Variants in EMILIN3 observed in about 807,000 individuals in gnomAD.
EMILIN3 encodes the protein elastin microfibril interfacer 3.
Under a neutral mutation model 42.8 loss-of-function variants are expected in EMILIN3, and 38 were observed. That is an observed-to-expected ratio of 0.89 (90% CI 0.69 to 1.16). EMILIN3 has a LOEUF of 1.16. Among genes scored for constraint, EMILIN3 ranks in the 50% most tolerant of loss-of-function variants. The pLI is 0.00. For synonymous variants in EMILIN3, 430 were observed against 440.5 expected, an observed-to-expected ratio of 0.98 and a Z score of 0.30; for missense variants, 924 against 999.5, an observed-to-expected ratio of 0.92 and a Z score of 1.02.
chr20:41,360,407 G>A lies in EMILIN3; in HGVS notation c.*861C>T, dbSNP rs945851745. 13 of 152,500 alleles carry A rather than the reference G, an allele frequency of 8.5e-5. No individual in the cohort carries two copies. The highest frequency in any genetic ancestry group is 2.9e-4 in the African/African-American group (12 of 41,460). The allele number at this position is 152,500 out of a possible 1,614,324, so 9.4% of individuals were successfully genotyped here. On this transcript the variant is annotated 3_prime_UTR_variant, in exon 4 of 4. Coordinates refer to ENST00000332312, the MANE Select transcript of EMILIN3 (RefSeq NM_052846.2). ...ACCCCCAAGTGGAAGGAAGAGGACA[G>A]TGTGGGCACCAGAGGGCCCTGGAAA...
Position 41,362,687 on chromosome 20 carries a change from G to A in EMILIN3, c.882C>T (p.Leu294=). The A allele has an allele frequency of 1.3e-5, 21 of 1,612,990 alleles. No individual in the cohort carries two copies. Among genetic ancestry groups the A allele is most frequent in the Non-Finnish European group, 1.8e-5 (21 of 1,179,992 alleles). Residue 294 remains leucine (L), a synonymous_variant, in exon 4 of 4, where the codon CTC becomes CTT. Transcript: ENST00000332312. ...ACTCCTCCAGCAGGGCCAGGGAGGT[G>A]AGCGGGGATGGTGGGGCTTCCCGCA... ...QRLREAPPSP[L]TSLALLEEYV... is the part of the protein sequence containing the mutation.
Position 41,366,128 on chromosome 20 carries a change from C to T in EMILIN3, c.167+340G>A. The stretch of plus-strand genomic sequence containing the variant: ...AGCCCCGCGTGCTCAGCGCGCGGAC[C>T]GCCTTTCCTCCTCTCCCTCCACCTG... On this transcript the variant is annotated intron_variant, in intron 1 of 3. Transcript: ENST00000332312. This position sits in a 1 kb window ranked among gnomAD's most constrained non-coding sequence, Gnocchi z 4.2. Among the ~76,000 whole-genome samples the T allele has an allele frequency of 6.6e-6, 1 of 152,294 alleles. No homozygotes were observed. Among genetic ancestry groups the T allele is most frequent in the East Asian group, 1.9e-4 (1 of 5,158 alleles).
At chr20:41,364,013 T>A in intron 2 of EMILIN3, 152 bp from the exon 3 acceptor site, 2 of 708,090 alleles carry the variant, frequency 2.8e-6, no homozygotes, top group Non-Finnish European at 4.8e-6. Flanking sequence ...TTTCTGTGCT[T>A]AAGGTGACAG....
At position 41,365,025 on chromosome 20, in the gene EMILIN3, G is replaced by C. The variant is rs201531818; in HGVS notation, c.290+10C>G. The C allele has an allele frequency of 6.2e-7, 1 of 1,613,548 alleles. No individual in the cohort carries two copies. The highest frequency in any genetic ancestry group is 2.2e-5 in the East Asian group (1 of 44,866). ...GGGATTCCAAGTGTGTAGGTGAGGA[G>C]TGCACTTACGTGACTGTCCCGGGGC... On this transcript the variant is annotated intron_variant, in intron 2 of 3. Transcript: ENST00000332312.
rs965881325 is a variant in EMILIN3 at position 41,366,061 on chromosome 20, C to T, written c.167+407G>A. Among the ~76,000 whole-genome samples the T allele has an allele frequency of 6.6e-6, 1 of 152,134 alleles. No homozygotes were observed. Among genetic ancestry groups the T allele is most frequent in the Non-Finnish European group, 1.5e-5 (1 of 68,002 alleles). ...CCCGGATGCGCAGCTCTATCTCCTACCTGGCCGGGCCAGGGGAGAGAAGGG... is the reference window on the plus strand; with the variant it reads ...CCCGGATGCGCAGCTCTATCTCCTATCTGGCCGGGCCAGGGGAGAGAAGGG... On this transcript the variant is annotated intron_variant, in intron 1 of 3. Coordinates refer to ENST00000332312, the MANE Select transcript of EMILIN3 (RefSeq NM_052846.2). The surrounding 1 kb of genome is among the most constrained non-coding windows in gnomAD (Gnocchi z 4.2).
chr20:41,361,304 C>A lies in EMILIN3; in HGVS notation c.2265G>T (p.Gln755His). 6.2e-7 allele frequency: 1 copy of A among 1,601,070 alleles called. No homozygotes were observed. Among genetic ancestry groups the A allele is most frequent in the Non-Finnish European group, 8.5e-7 (1 of 1,170,404 alleles). ...LRDDLLDCQA[Q>H]LAEQVRPGQA... is the part of the protein sequence containing the mutation. ...GCCCTGGCCGCACCTGCTCAGCCAG[C>A]TGGGCCTGGCAGTCCAGTAGGTCAT... Residue 755 changes from glutamine to histidine, a missense_variant, in exon 4 of 4, where the codon CAG becomes CAT. Transcript: ENST00000332312.
In EMILIN3 at chr20:41,360,086, G is replaced by A. The variant is rs1210286536; in HGVS notation, c.*1182C>T. ...GTGGGGACCTGAAGAGCAGCACAGTGGGGCCCGTGCTGCTGTGGGGGAAAC... is the reference window on the plus strand; with the variant it reads ...GTGGGGACCTGAAGAGCAGCACAGTAGGGCCCGTGCTGCTGTGGGGGAAAC... On this transcript the variant is annotated 3_prime_UTR_variant, in exon 4 of 4. Coordinates refer to ENST00000332312, the MANE Select transcript of EMILIN3 (RefSeq NM_052846.2). 6.5e-6 allele frequency: 1 copy of A among 152,746 alleles called. No individual in the cohort carries two copies. Among genetic ancestry groups the A allele is most frequent in the African/African-American group, 2.4e-5 (1 of 41,478 alleles). 9.5% of individuals were successfully genotyped at this position (152,746 alleles called of 1,614,324 possible). A position where few individuals can be genotyped will look rare whatever the true frequency, so the allele number is the denominator to read the frequency against.
At position 41,366,296 on chromosome 20, in the gene EMILIN3, G is replaced by C. The variant is rs1600757052; in HGVS notation, c.167+172C>G. Among the ~76,000 whole-genome samples the C allele has an allele frequency of 6.6e-6, 1 of 151,706 alleles. No homozygotes were observed. On this transcript the variant is annotated intron_variant, in intron 1 of 3. Transcript: ENST00000332312. The surrounding 1 kb of genome is among the most constrained non-coding windows in gnomAD (Gnocchi z 4.2). ...TCCTCGCCAGCCCCGCAACCTCCCG[G>C]AGCGTAGGGCGCTCGCCTGGGCAGG...
chr20:41,363,559 G>A, intron 3 of EMILIN3, 79 bp downstream of exon 3: 1 of 1,396,454 alleles, frequency 7.2e-7, no homozygotes, highest in South Asian at 1.4e-5. Flanking sequence ...CAGCCAGCCT[G>A]GGATCAGTCC....
chr20:41,366,419 G>T lies in EMILIN3; in HGVS notation c.167+49C>A. The T allele has an allele frequency of 1.8e-6, 2 of 1,091,930 alleles. No homozygotes were observed. The highest frequency in any genetic ancestry group is 4.4e-5 in the South Asian group (1 of 22,850). The allele number at this position is 1,091,930 out of a possible 1,614,324, so 67.6% of individuals were successfully genotyped here. On this transcript the variant is annotated intron_variant, in intron 1 of 3. Coordinates refer to ENST00000332312, the MANE Select transcript of EMILIN3 (RefSeq NM_052846.2). This position sits in a 1 kb window ranked among gnomAD's most constrained non-coding sequence, Gnocchi z 4.2. Reference sequence around the variant, plus strand: ...TGCGGGCAGGTGGGAGCGGCGACGCGCGCGGGCCCATCCCTCCCTCTTCCC... The same window carrying T: ...TGCGGGCAGGTGGGAGCGGCGACGCTCGCGGGCCCATCCCTCCCTCTTCCC...
At position 41,362,246 on chromosome 20, in the gene EMILIN3, C is replaced by T. The variant is rs757149869; in HGVS notation, c.1323G>A (p.Thr441=). Reference sequence around the variant, plus strand: ...TTGCTCCACCCTCTGTCCCATTGAGCGTCTCCAGACCCTCAAGCAGCCCGT... The same window carrying T: ...TTGCTCCACCCTCTGTCCCATTGAGTGTCTCCAGACCCTCAAGCAGCCCGT... The part of the protein sequence containing the change: ...GVDGLLEGLE[T]LNGTEGGARG... Residue 441 remains threonine (T), a synonymous_variant, in exon 4 of 4, where the codon ACG becomes ACA. Transcript: ENST00000332312. 4 of 1,613,922 alleles carry T rather than the reference C, an allele frequency of 2.5e-6. No homozygotes were observed. Among genetic ancestry groups the T allele is most frequent in the South Asian group, 1.1e-5 (1 of 91,070 alleles).
rs2046397286 is a variant in EMILIN3 at position 41,366,818 on chromosome 20, T to C, written c.-184A>G. ...TTCGCGGCGGCTGCGTCCCGCGGAG[T>C]GGCCGGCGCTGCTAGCGGCTGGGGC... On this transcript the variant is annotated 5_prime_UTR_variant, in exon 1 of 4. Transcript: ENST00000332312. This position sits in a 1 kb window ranked among gnomAD's most constrained non-coding sequence, Gnocchi z 4.2. The C allele has an allele frequency of 1.4e-5, 3 of 211,208 alleles. No homozygotes were observed. The highest frequency in any genetic ancestry group is 2.4e-5 in the African/African-American group (1 of 42,098). 13.1% of individuals were successfully genotyped at this position (211,208 alleles called of 1,614,324 possible).
rs767252628 is a variant in EMILIN3 at position 41,363,835 on chromosome 20, T to C, written c.317A>G (p.Tyr106Cys). The C allele has an allele frequency of 6.2e-7, 1 of 1,614,090 alleles. No individual in the cohort carries two copies. The highest frequency in any genetic ancestry group is 8.5e-7 in the Non-Finnish European group (1 of 1,179,986). The change falls in exon 3 of 4, where the codon TAC becomes TGC. Residue 106 changes from tyrosine to cysteine, a missense_variant. Physicochemically the swap from Tyr to Cys is radical, Grantham distance 194 (BLOSUM62 -2). Coordinates refer to ENST00000332312, the MANE Select transcript of EMILIN3 (RefSeq NM_052846.2). ...VTYRTVLRPK[Y>C]KVGYKTVTDL... The stretch of plus-strand genomic sequence containing the variant: ...TGTCACTGTCTTGTAGCCAACCTTG[T>C]ATTTGGGTCTGAGTACTGTGCGGTA...
In EMILIN3 at chr20:41,366,102, G is replaced by A. The variant is rs917384455; in HGVS notation, c.167+366C>T. ...GAGAGAAGGGAGGCCCGGGGCGGGG[G>A]AGCCCCGCGTGCTCAGCGCGCGGAC... On this transcript the variant is annotated intron_variant, in intron 1 of 3. Transcript: ENST00000332312. This position sits in a 1 kb window ranked among gnomAD's most constrained non-coding sequence, Gnocchi z 4.2. Among the ~76,000 whole-genome samples, 9 of 152,056 alleles carry A rather than the reference G, an allele frequency of 5.9e-5. No individual in the cohort carries two copies. The highest frequency in any genetic ancestry group is 1.5e-5 in the Non-Finnish European group (1 of 67,964).
Position 41,366,557 on chromosome 20 carries a change from C to A in EMILIN3, c.78G>T (p.Pro26=), listed in dbSNP as rs1291568090. The change falls in exon 1 of 4, where the codon CCG becomes CCT. Residue 26 remains proline, a synonymous_variant. Transcript: ENST00000332312. The surrounding 1 kb of genome is among the most constrained non-coding windows in gnomAD (Gnocchi z 4.2). ...CGGGCGGCGCAGGCCGCGCCAGGAGCGGGGTGCCCCTGGCCTGCGCCCCCG... is the reference window on the plus strand; with the variant it reads ...CGGGCGGCGCAGGCCGCGCCAGGAGAGGGGTGCCCCTGGCCTGCGCCCCCG... ...LLSGAQARGT[P]LLARPAPPGA... is the part of the protein sequence containing the mutation. The A allele has an allele frequency of 6.1e-6, 7 of 1,140,576 alleles. No individual in the cohort carries two copies. Among genetic ancestry groups the A allele is most frequent in the Non-Finnish European group, 7.5e-6 (7 of 931,772 alleles). The allele number at this position is 1,140,576 out of a possible 1,614,324, so 70.7% of individuals were successfully genotyped here.
chr20:41,363,546 G>A, intron 3 of EMILIN3, 92 bp downstream of exon 3: 1 of 1,303,374 alleles, frequency 7.7e-7, no homozygotes, highest in Non-Finnish European at 1.0e-6. Flanking sequence ...CCATGCCGGA[G>A]CTCAGCCAGC....
chr20:41,360,490 T>C lies in EMILIN3; in HGVS notation c.*778A>G, dbSNP rs1473916133. On this transcript the variant is annotated 3_prime_UTR_variant, in exon 4 of 4. Transcript: ENST00000332312. ...TTGGAGTGGGGGGTCTCTAAACAGA[T>C]TGCCTGGATTCCGTTCTTTCCTGGG... 1 of 152,644 alleles carries C rather than the reference T, an allele frequency of 6.6e-6. No homozygotes were observed. Among genetic ancestry groups the C allele is most frequent in the Non-Finnish European group, 1.5e-5 (1 of 68,096 alleles). 9.5% of individuals were successfully genotyped at this position (152,644 alleles called of 1,614,324 possible).
chr20:41,363,306 AT>A (rs944022006), intron 3 of EMILIN3, among the ~76,000 whole-genome samples: 2 of 151,442 alleles, frequency 1.3e-5, no homozygotes, highest in African/African-American at 4.9e-5. Flanking sequence ...ACGCCCGGCT[AT>A]TTTTTTTCTA....
intron 2 of EMILIN3, among the ~76,000 whole-genome samples, chr20:41,364,071 A>G (rs2046381985): frequency 6.6e-6 from 1 of 152,154 alleles, no homozygotes; most frequent in Non-Finnish European, 1.5e-5. Context: ...ATGTTAGGGA[A>G]GGATGCAGGT....
Sources: gnomAD v4.1 joint callset for allele counts (sites outside exome capture counted in the v4.1 genomes callset) on GRCh38, gnomAD v4.1.1 for gene constraint, Gnocchi (gnomAD v3.1) non-coding constraint, MANE v1.5 for transcripts, NCBI Gene and HGNC (gene_info 2026-07-23, HGNC 2026-07-21) for gene names.